SYT1: variants seen among roughly 807,000 people sequenced by gnomAD.
The protein encoded by SYT1 is synaptotagmin 1, also known as synaptotagmin-1.
In SYT1, 8 loss-of-function variants were observed where a neutral mutation model predicts 44.8. That is an observed-to-expected ratio of 0.18 (90% CI 0.10 to 0.32). SYT1 has a LOEUF of 0.32. Among genes scored for constraint, SYT1 ranks in the 10% least tolerant of loss-of-function variants. The pLI is 1.00. For missense variants in SYT1, 286 were observed against 509.3 expected (o/e 0.56, Z 4.22); for synonymous variants, 154 against 188.8 (o/e 0.82, Z 1.51).
At chr12:79,320,203 C>T (rs1881287803) in intron 8 of SYT1, among the ~76,000 whole-genome samples, 1 of 152,066 alleles carries the variant, frequency 6.6e-6, no homozygotes, top group African/African-American at 2.4e-5. Context: ...AAATGTACTG[C>T]GATGTGAACT....
At chr12:79,001,861 T>G (rs1012735507) in intron 2 of SYT1, among the ~76,000 whole-genome samples, 1 of 152,082 alleles carries the variant, frequency 6.6e-6, no homozygotes, top group Non-Finnish European at 1.5e-5. Flanking sequence ...TTCAACTTTC[T>G]TCACTCAGAT....
chr12:79,231,885 A>G (rs1448573272), intron 4 of SYT1, among the ~76,000 whole-genome samples: 5 of 152,150 alleles, frequency 3.3e-5, no homozygotes, highest in African/African-American at 1.2e-4. Context: ...TGCTGTCTTA[A>G]TCACTCACAG....
intron 9 of SYT1, among the ~76,000 whole-genome samples, chr12:79,418,031 G>A (rs775472925): frequency 6.6e-6 from 1 of 151,292 alleles, no homozygotes. Flanking sequence ...CTGCAAAGCT[G>A]ATCTACACAA....
chr12:79,315,970 T>G (rs1036007412), intron 8 of SYT1, among the ~76,000 whole-genome samples: 1 of 152,224 alleles, frequency 6.6e-6, no homozygotes, highest in African/African-American at 2.4e-5. Flanking sequence ...TCTCAGAGAT[T>G]CCCCCAAGTT....
At chr12:79,410,773 T>C (rs1868386310) in intron 9 of SYT1, among the ~76,000 whole-genome samples, 3 of 152,154 alleles carry the variant, frequency 2.0e-5, no homozygotes, top group Admixed American at 2.0e-4. Flanking sequence ...CCCTCAAAAC[T>C]GACTATATCA....
At chr12:79,308,452 G>A (rs11113614) in intron 8 of SYT1, among the ~76,000 whole-genome samples, 36,590 of 150,640 alleles carry the variant, frequency 0.24, 5,255 homozygotes, top group East Asian at 0.46. Flanking sequence ...CTTGCATGCG[G>A]TGAGCCGAGA....
intron 1 of SYT1, among the ~76,000 whole-genome samples, chr12:78,946,703 A>G (rs1056545861): frequency 2.6e-5 from 4 of 151,720 alleles, no homozygotes; most frequent in Admixed American, 2.6e-4. Context: ...AAAAAAAAGA[A>G]AAAAAAAGAA....
chr12:79,410,129 A>G (rs1358243), intron 9 of SYT1, among the ~76,000 whole-genome samples: 20,755 of 152,072 alleles, frequency 0.14, 1,844 homozygotes, highest in Middle Eastern at 0.34. Flanking sequence ...GAAGCACCCT[A>G]TCCCTCTGTT....
intron 8 of SYT1, among the ~76,000 whole-genome samples, chr12:79,336,121 C>T (rs575732601): frequency 3.5e-4 from 54 of 152,282 alleles, no homozygotes; most frequent in African/African-American, 1.3e-3. Context: ...AAAATATATC[C>T]ATTTTCTCTA....
chr12:79,449,358 A>C lies in SYT1; in HGVS notation c.*234A>C, dbSNP rs1870915011. ...TTCTTTTAAGCAATATGATGTGTAG[A>C]TAGAGCATGAATGAAATTATTTATT... On this transcript the variant is annotated 3_prime_UTR_variant, in exon 11 of 11. Transcript: ENST00000261205. The C allele has an allele frequency of 1.9e-6, 1 of 521,080 alleles. No homozygotes were observed. The highest frequency in any genetic ancestry group is 2.3e-5 in the South Asian group (1 of 42,788). 32.3% of individuals were successfully genotyped at this position (521,080 alleles called of 1,614,324 possible).
intron 9 of SYT1, among the ~76,000 whole-genome samples, chr12:79,429,293 A>C (rs891051980): frequency 6.6e-6 from 1 of 151,304 alleles, no homozygotes; most frequent in Non-Finnish European, 1.5e-5. Context: ...TGCAACCTCC[A>C]CCTCCTAGGT....
rs570510866 is a variant in SYT1 at position 78,948,662 on chromosome 12, GAC to G, written c.-216-29135_-216-29134del. On this transcript the variant is annotated intron_variant, in intron 1 of 10. Coordinates refer to ENST00000261205, the MANE Select transcript of SYT1 (RefSeq NM_005639.3). ...AAGGCATGACAAGTGGGGTTTGACT[GAC>G]AGTTTCTCAAGATTCTAATCTGGTC... is the stretch of plus-strand genomic sequence containing the variant. Among the ~76,000 whole-genome samples the G allele has an allele frequency of 5.7e-3, 864 of 151,974 alleles. 4 individuals are homozygous for G. The highest frequency in any genetic ancestry group is 0.02 in the African/African-American group (821 of 41,536).
chr12:78,958,651 C>A (rs139767832), intron 1 of SYT1, among the ~76,000 whole-genome samples: 1 of 151,654 alleles, frequency 6.6e-6, no homozygotes, highest in Non-Finnish European at 1.5e-5. Context: ...GTCAAGATCA[C>A]ACCACCACAC....
chr12:79,443,937 A>T, intron 9 of SYT1, 136 bp from the exon 10 acceptor site: 1 of 909,792 alleles, frequency 1.1e-6, no homozygotes, highest in South Asian at 1.8e-5. Context: ...TCAATAAAAA[A>T]GTATTGAATT....
chr12:79,285,100 A>G (rs766201060), intron 4 of SYT1, among the ~76,000 whole-genome samples: 2 of 152,168 alleles, frequency 1.3e-5, no homozygotes, highest in Non-Finnish European at 2.9e-5. Flanking sequence ...CATCACCCAC[A>G]TCTGGAGAAC....
rs76340796 is a variant in SYT1 at position 79,185,674 on chromosome 12, C to T, written c.-17-31829C>T. 4.0e-3 allele frequency among the ~76,000 whole-genome samples: 613 copies of T among 152,094 alleles called. 2 individuals are homozygous for T. The highest frequency in any genetic ancestry group is 6.8e-3 in the Middle Eastern group (2 of 294). On this transcript the variant is annotated intron_variant, in intron 3 of 10. Coordinates refer to ENST00000261205, the MANE Select transcript of SYT1 (RefSeq NM_005639.3). ...ATCAGCTAACTACTAGCAGTATGGACTGAAAATATGGATCAGTAGTATGTA... is the reference window on the plus strand; with the variant it reads ...ATCAGCTAACTACTAGCAGTATGGATTGAAAATATGGATCAGTAGTATGTA...
intron 3 of SYT1, among the ~76,000 whole-genome samples, chr12:79,180,424 A>T (rs1305227571): frequency 6.6e-6 from 1 of 152,094 alleles, no homozygotes; most frequent in Non-Finnish European, 1.5e-5. Flanking sequence ...TATTGGTATT[A>T]GTCCATTCTC....
chr12:79,205,364 T>C (rs1354044336), intron 3 of SYT1, among the ~76,000 whole-genome samples: 1 of 152,228 alleles, frequency 6.6e-6, no homozygotes, highest in Non-Finnish European at 1.5e-5. Context: ...CTGCCATTCC[T>C]ACTAAAATCT....
intron 3 of SYT1, among the ~76,000 whole-genome samples, chr12:79,154,946 C>T (rs1214413995): frequency 6.6e-6 from 1 of 152,150 alleles, no homozygotes; most frequent in Non-Finnish European, 1.5e-5. Flanking sequence ...GAAATTATCT[C>T]TACTCCCACA....
Sources: gnomAD v4.1 joint callset for allele counts (sites outside exome capture counted in the v4.1 genomes callset) on GRCh38, gnomAD v4.1.1 for gene constraint, MANE v1.5 for transcripts, NCBI Gene and HGNC (gene_info 2026-07-23, HGNC 2026-07-21) for gene names.